DPP10: variants seen among roughly 807,000 people sequenced by gnomAD.
The protein encoded by DPP10 is dipeptidyl peptidase like 10.
Under a neutral mutation model 120.9 loss-of-function variants are expected in DPP10, and 33 were observed. That is an observed-to-expected ratio of 0.27 (90% confidence interval 0.21 to 0.37). The LOEUF is 0.37. Ranked by LOEUF, DPP10 falls within the 10% of genes least tolerant of loss-of-function variation. The pLI, the probability that DPP10 is intolerant of heterozygous loss-of-function variation, is 1.00. For missense variants in DPP10, 816 were observed against 942.8 expected (o/e 0.87, Z 1.76); for synonymous variants, 337 against 326.1 (o/e 1.03, Z -0.36).
chr2:115,778,497 G>T (rs1682389419), intron 15 of DPP10, among the ~76,000 whole-genome samples: 1 of 152,114 alleles, frequency 6.6e-6, no homozygotes, highest in South Asian at 2.1e-4. Flanking sequence ...CTTTCACCAG[G>T]ATCTCACAAA....
At chr2:115,737,153 G>A (rs918014230) in intron 8 of DPP10, among the ~76,000 whole-genome samples, 9 of 152,152 alleles carry the variant, frequency 5.9e-5, no homozygotes, top group African/African-American at 1.4e-4. Context: ...AACCAGGCCC[G>A]CGTTTATTTC....
intron 3 of DPP10, among the ~76,000 whole-genome samples, chr2:115,485,238 C>CA (rs70941066): frequency 1.2e-3 from 145 of 123,222 alleles, no homozygotes; most frequent in African/African-American, 3.8e-3. Context: ...AACACTGTTC[C>CA]AAAAAAAAAA....
intron 1 of DPP10, among the ~76,000 whole-genome samples, chr2:115,122,273 C>T (rs1352275466): frequency 6.6e-6 from 1 of 152,146 alleles, no homozygotes; most frequent in African/African-American, 2.4e-5. Flanking sequence ...CCTCCCACCC[C>T]TGTTTTTCCC....
At chr2:114,967,898 T>G (rs1699146155) in intron 1 of DPP10, among the ~76,000 whole-genome samples, 2 of 152,154 alleles carry the variant, frequency 1.3e-5, no homozygotes, top group South Asian at 4.1e-4. Context: ...ACTTGGGGGC[T>G]TATTAGAAAT....
intron 1 of DPP10, among the ~76,000 whole-genome samples, chr2:114,836,448 C>T (rs940344518): frequency 6.6e-6 from 1 of 152,158 alleles, no homozygotes; most frequent in African/African-American, 2.4e-5. Flanking sequence ...CCCCACAAGC[C>T]GCAAAACCAG....
At chr2:115,444,173 G>C (rs1440993914) in intron 3 of DPP10, among the ~76,000 whole-genome samples, 1 of 152,186 alleles carries the variant, frequency 6.6e-6, no homozygotes, top group African/African-American at 2.4e-5. Flanking sequence ...CCCAAGACCA[G>C]AGATGGTCCA....
At chr2:114,559,891 C>CAAAAAAAAAAAAA (rs60833358) in intron 1 of DPP10, among the ~76,000 whole-genome samples, 72 of 65,886 alleles carry the variant, frequency 1.1e-3, no homozygotes, top group Middle Eastern at 0.013. Flanking sequence ...AGAAAAAAAG[C>CAAAAAAAAAAAAA]AAAAAAAAAA....
At position 114,830,204 on chromosome 2, in the gene DPP10, C is replaced by T. The variant is rs544811972; in HGVS notation, c.60+387366C>T. 7.9e-5 allele frequency among the ~76,000 whole-genome samples: 12 copies of T among 152,192 alleles called. No homozygotes were observed. In the South Asian group the frequency reaches 1.9e-3, roughly 24 times the overall value. On this transcript the variant is annotated intron_variant, in intron 1 of 25. Coordinates refer to ENST00000410059, the MANE Select transcript of DPP10 (RefSeq NM_020868.6). ...TTATTGCCCAGAAGATAATCCCAAA[C>T]TGCCTAATATGGTATTGATAGCTCT...
At chr2:114,912,701 T>C (rs1362093443) in intron 1 of DPP10, among the ~76,000 whole-genome samples, 2 of 152,156 alleles carry the variant, frequency 1.3e-5, no homozygotes, top group Non-Finnish European at 2.9e-5. Context: ...GGACTCATTT[T>C]GGCCCCAAGC....
At chr2:114,947,871 T>A (rs1038253324) in intron 1 of DPP10, among the ~76,000 whole-genome samples, 9 of 152,050 alleles carry the variant, frequency 5.9e-5, no homozygotes, top group Non-Finnish European at 1.2e-4. Flanking sequence ...TTCCTTTGGC[T>A]TTTTGTGTTA....
At chr2:115,434,893 C>CA (rs2071344885) in intron 3 of DPP10, among the ~76,000 whole-genome samples, 1 of 151,704 alleles carries the variant, frequency 6.6e-6, no homozygotes, top group African/African-American at 2.4e-5. Flanking sequence ...ATGAAATCCA[C>CA]TTTTTTAGCT....
At chr2:115,695,175 A>C (rs2091518290) in intron 7 of DPP10, among the ~76,000 whole-genome samples, 1 of 152,226 alleles carries the variant, frequency 6.6e-6, no homozygotes, top group African/African-American at 2.4e-5. Flanking sequence ...GCAAGTCACC[A>C]TACATGCACA....
chr2:115,133,137 GTGTGTGTGTA>G (rs1195471529), intron 1 of DPP10, among the ~76,000 whole-genome samples: 14 of 62,872 alleles, frequency 2.2e-4, no homozygotes, highest in East Asian at 2.9e-4. Flanking sequence ...GTGTGTGTGT[GTGTGTGTGTA>G]TATATATATA....
chr2:114,971,652 G>T (rs999770003), intron 1 of DPP10, among the ~76,000 whole-genome samples: 3 of 151,920 alleles, frequency 2.0e-5, no homozygotes, highest in Non-Finnish European at 4.4e-5. Flanking sequence ...TAACAAAATG[G>T]AGAGAAAGAT....
At chr2:115,689,461 T>A (rs2091187368) in intron 5 of DPP10, among the ~76,000 whole-genome samples, 2 of 152,136 alleles carry the variant, frequency 1.3e-5, no homozygotes, top group African/African-American at 4.8e-5. Context: ...ATAATCACAA[T>A]TATACTCAGG....
chr2:115,649,470 C>G (rs1325925043), intron 5 of DPP10, among the ~76,000 whole-genome samples: 1 of 151,998 alleles, frequency 6.6e-6, no homozygotes, highest in Non-Finnish European at 1.5e-5. Context: ...TCAGAATGCT[C>G]TTTTTATGAT....
chr2:115,750,738 G>A (rs1351200741), intron 10 of DPP10, among the ~76,000 whole-genome samples: 1 of 152,040 alleles, frequency 6.6e-6, no homozygotes, highest in Admixed American at 6.6e-5. Context: ...GTACTCGTTG[G>A]CTTTTCATTC....
intron 1 of DPP10, among the ~76,000 whole-genome samples, chr2:114,997,207 G>C (rs945098052): frequency 5.9e-5 from 9 of 151,304 alleles, no homozygotes; most frequent in African/African-American, 2.2e-4. Flanking sequence ...CAACTGTCTT[G>C]AATAAAAGTC....
intron 1 of DPP10, among the ~76,000 whole-genome samples, chr2:114,495,584 A>G (rs895175673): frequency 2.0e-5 from 3 of 152,202 alleles, no homozygotes; most frequent in African/African-American, 7.2e-5. Context: ...GATAACTAAG[A>G]TAAAGAATGT....
Sources: allele counts gnomAD v4.1 joint callset (sites outside exome capture counted in the v4.1 genomes callset), GRCh38; gene constraint gnomAD v4.1.1; transcripts MANE v1.5; gene names NCBI Gene and HGNC (gene_info 2026-07-23, HGNC 2026-07-21).